Variants in SLC44A5 observed in about 807,000 individuals in gnomAD.
SLC44A5 encodes choline transporter-like protein 5.
SLC44A5 carries 57 observed loss-of-function variants against 101.8 expected under a neutral mutation model. The observed-to-expected ratio is 0.56, with a 90% CI of 0.45 to 0.70. The LOEUF is 0.70. Ranked by LOEUF, SLC44A5 falls within the 30% of genes least tolerant of loss-of-function variation. The pLI is 0.00. For missense variants in SLC44A5, 737 were observed against 853.1 expected (o/e 0.86, Z 1.70); for synonymous variants, 281 against 290.9 (o/e 0.97, Z 0.35).
At chr1:75,332,516 G>A (rs1272780673) in intron 4 of SLC44A5, among the ~76,000 whole-genome samples, 1 of 152,076 alleles carries the variant, frequency 6.6e-6, no homozygotes, top group African/African-American at 2.4e-5. Context: ...TAAACAAATT[G>A]GTAGGTGTCA....
chr1:75,421,959 G>A (rs551898450), intron 2 of SLC44A5, among the ~76,000 whole-genome samples: 1 of 152,130 alleles, frequency 6.6e-6, no homozygotes, highest in African/African-American at 2.4e-5. Context: ...CATGTGACAA[G>A]GAGAGGAATT....
At chr1:75,416,275 TAGAGTTC>T (rs1663640023) in intron 2 of SLC44A5, among the ~76,000 whole-genome samples, 1 of 151,964 alleles carries the variant, frequency 6.6e-6, no homozygotes. Context: ...GGGGCCAATG[TAGAGTTC>T]AGACTGTGGC....
the SLC44A5 span, among the ~76,000 whole-genome samples, chr1:75,698,221 C>T: frequency 2.0e-5 from 3 of 152,236 alleles, no homozygotes; most frequent in African/African-American, 7.2e-5. Flanking sequence ...AACAAAAACA[C>T]AGCAGTAACC....
At chr1:75,288,499 C>G (rs1653255421) in intron 5 of SLC44A5, among the ~76,000 whole-genome samples, 1 of 152,164 alleles carries the variant, frequency 6.6e-6, no homozygotes, top group African/African-American at 2.4e-5. Context: ...TATAGGCACA[C>G]ATAAACTCTG....
the SLC44A5 span, among the ~76,000 whole-genome samples, chr1:75,722,257 G>T: frequency 1.3e-5 from 2 of 152,190 alleles, no homozygotes; most frequent in African/African-American, 2.4e-5. Flanking sequence ...AGTGTAAAAA[G>T]TGAAGTAGAG....
At chr1:75,607,625 G>A (rs1471893322) in intron 1 of SLC44A5, among the ~76,000 whole-genome samples, 3 of 152,038 alleles carry the variant, frequency 2.0e-5, no homozygotes, top group Non-Finnish European at 4.4e-5. Flanking sequence ...CATGTCATGG[G>A]AGGGACCCAG....
intron 6 of SLC44A5, among the ~76,000 whole-genome samples, chr1:75,258,499 A>G (rs1650209319): frequency 1.3e-5 from 2 of 152,060 alleles, no homozygotes; most frequent in Admixed American, 1.3e-4. Flanking sequence ...TGGGCAGGGC[A>G]TCTCTGAAAA....
At chr1:75,469,894 T>C (rs1268668403) in intron 2 of SLC44A5, among the ~76,000 whole-genome samples, 1 of 113,722 alleles carries the variant, frequency 8.8e-6, no homozygotes, top group Non-Finnish European at 1.7e-5. Context: ...AGAGAGACCT[T>C]GTGAAGAAAA....
At chr1:75,482,770 G>T (rs1667945443) in intron 2 of SLC44A5, among the ~76,000 whole-genome samples, 1 of 152,098 alleles carries the variant, frequency 6.6e-6, no homozygotes, top group African/African-American at 2.4e-5. Flanking sequence ...CTGTCCTTAA[G>T]AGTCTTAAAA....
chr1:75,720,402 T>C, the SLC44A5 span: 1 of 152,216 alleles, frequency 6.6e-6, no homozygotes, highest in African/African-American at 2.4e-5. Flanking sequence ...TCGAATTATT[T>C]CACCTAAAAA....
intron 5 of SLC44A5, among the ~76,000 whole-genome samples, chr1:75,285,748 G>A (rs1422657463): frequency 6.6e-6 from 1 of 151,980 alleles, no homozygotes; most frequent in Non-Finnish European, 1.5e-5. Context: ...TCAGGAGCAG[G>A]TTATTTAATT....
intron 2 of SLC44A5, among the ~76,000 whole-genome samples, chr1:75,474,730 C>T (rs189978229): frequency 6.6e-6 from 1 of 152,170 alleles, no homozygotes; most frequent in African/African-American, 2.4e-5. Context: ...ATTTTATACC[C>T]CAAATTTCTC....
chr1:75,608,666 A>G (rs1675469808), intron 1 of SLC44A5, among the ~76,000 whole-genome samples: 1 of 151,766 alleles, frequency 6.6e-6, no homozygotes, highest in Non-Finnish European at 1.5e-5. Context: ...CCCCCTTACT[A>G]ATTCCACTTG....
At chr1:75,499,877 G>A (rs1368762244) in intron 2 of SLC44A5, among the ~76,000 whole-genome samples, 1 of 152,122 alleles carries the variant, frequency 6.6e-6, no homozygotes, top group African/African-American at 2.4e-5. Flanking sequence ...GCACTTTCTA[G>A]CCTCCTTTGT....
intron 14 of SLC44A5, among the ~76,000 whole-genome samples, chr1:75,222,148 G>A (rs896795321): frequency 3.9e-5 from 6 of 151,966 alleles, no homozygotes; most frequent in Non-Finnish European, 8.8e-5. Context: ...TAGAGACGGG[G>A]TTTCTCCATG....
chr1:75,564,526 C>T (rs1672682409), intron 1 of SLC44A5, among the ~76,000 whole-genome samples: 1 of 151,740 alleles, frequency 6.6e-6, no homozygotes, highest in Non-Finnish European at 1.5e-5. Flanking sequence ...TGGCTCTTTA[C>T]CTGAGAAGTT....
intron 3 of SLC44A5, among the ~76,000 whole-genome samples, chr1:75,372,248 T>G (rs1349825015): frequency 6.7e-6 from 1 of 149,294 alleles, no homozygotes; most frequent in Non-Finnish European, 1.5e-5. Context: ...TTTTTCCCAG[T>G]GAGTCAGAGA....
At chr1:75,528,725 CCTAA>C (rs1670560858) in intron 2 of SLC44A5, among the ~76,000 whole-genome samples, 1 of 152,130 alleles carries the variant, frequency 6.6e-6, no homozygotes, top group South Asian at 2.1e-4. Context: ...CCTATAAAAC[CCTAA>C]CTATCTGGAC....
intron 2 of SLC44A5, among the ~76,000 whole-genome samples, chr1:75,401,786 T>G (rs1228781272): frequency 6.6e-6 from 1 of 152,056 alleles, no homozygotes; most frequent in Non-Finnish European, 1.5e-5. Flanking sequence ...ACCTGTAACC[T>G]TCTGTGTTCT....
Sources: allele counts gnomAD v4.1 joint callset (sites outside exome capture counted in the v4.1 genomes callset), GRCh38; gene constraint gnomAD v4.1.1; transcripts MANE v1.5; gene names NCBI Gene and HGNC (gene_info 2026-07-23, HGNC 2026-07-21).